Variants in SKIC3 observed in about 807,000 individuals in gnomAD.
The protein encoded by SKIC3 is superkiller complex protein 3.
At chr5:95,492,588 G>A in the SKIC3 span, among the ~76,000 whole-genome samples, 1 of 110,812 alleles carries the variant, frequency 9.0e-6, no homozygotes, top group South Asian at 3.6e-4. Context: ...AGTGAGCCGA[G>A]ATCCCGCCAC....
At chr5:95,499,123 CTT>C in the SKIC3 span, among the ~76,000 whole-genome samples, 4 of 152,140 alleles carry the variant, frequency 2.6e-5, no homozygotes, top group Non-Finnish European at 1.5e-5. Flanking sequence ...AAAAGCCAAA[CTT>C]ATTTTCTGGT....
chr5:95,537,629 C>A, the SKIC3 span, among the ~76,000 whole-genome samples: 7 of 152,156 alleles, frequency 4.6e-5, no homozygotes, highest in African/African-American at 1.7e-4. Context: ...GAAATCACTT[C>A]TCTTATGCAG....
chr5:95,478,233 G>A, the SKIC3 span: 165 of 1,595,346 alleles, frequency 1.0e-4, no homozygotes, highest in African/African-American at 1.7e-4. Flanking sequence ...AAGCCTTCAC[G>A]TCAAAGAAAG....
chr5:95,521,976 C>A, the SKIC3 span: 8 of 1,585,280 alleles, frequency 5.0e-6, no homozygotes, highest in Admixed American at 1.7e-5. Context: ...TTATTCAATA[C>A]ATTTAGGCAG....
chr5:95,494,918 A>C, the SKIC3 span: 1 of 1,600,860 alleles, frequency 6.2e-7, no homozygotes, highest in Non-Finnish European at 8.6e-7. Flanking sequence ...CTTCATCAAT[A>C]TTATTTAATA....
the SKIC3 span, among the ~76,000 whole-genome samples, chr5:95,475,367 T>C: frequency 1.3e-5 from 2 of 152,146 alleles, no homozygotes; most frequent in African/African-American, 4.8e-5. Flanking sequence ...CCATTCCCCC[T>C]TGGTACTATA....
the SKIC3 span, among the ~76,000 whole-genome samples, chr5:95,466,237 G>A: frequency 6.6e-6 from 1 of 152,154 alleles, no homozygotes; most frequent in African/African-American, 2.4e-5. Flanking sequence ...AGATGCCAGA[G>A]CCATAGCATG....
At chr5:95,502,475 T>C in the SKIC3 span, among the ~76,000 whole-genome samples, 1 of 152,190 alleles carries the variant, frequency 6.6e-6, no homozygotes, top group South Asian at 2.1e-4. Flanking sequence ...TTACACATTT[T>C]TAAAAAGATT....
chr5:95,543,045 G>GA, the SKIC3 span: 8 of 1,090,420 alleles, frequency 7.3e-6, no homozygotes, highest in East Asian at 7.8e-5. Context: ...TTTAGGTTTA[G>GA]AAAACCAATA....
the SKIC3 span, among the ~76,000 whole-genome samples, chr5:95,483,844 C>T: frequency 3.3e-5 from 5 of 152,152 alleles, no homozygotes; most frequent in Non-Finnish European, 5.9e-5. Context: ...TAGAGCCCTC[C>T]AATCCTGGCA....
the SKIC3 span, among the ~76,000 whole-genome samples, chr5:95,503,367 A>C: frequency 6.6e-6 from 1 of 152,218 alleles, no homozygotes; most frequent in Non-Finnish European, 1.5e-5. Context: ...CAAGCAGTAG[A>C]TATTTCAATG....
At chr5:95,496,739 G>A in the SKIC3 span, among the ~76,000 whole-genome samples, 1 of 151,852 alleles carries the variant, frequency 6.6e-6, no homozygotes, top group Non-Finnish European at 1.5e-5. Context: ...TAGGAATAAC[G>A]AACAAGACTC....
the SKIC3 span, among the ~76,000 whole-genome samples, chr5:95,481,117 TATA>T: frequency 1.3e-5 from 2 of 152,052 alleles, no homozygotes; most frequent in Non-Finnish European, 2.9e-5. Context: ...TATATCATAA[TATA>T]AAAGAAAACA....
the SKIC3 span, among the ~76,000 whole-genome samples, chr5:95,519,302 C>A: frequency 1.3e-5 from 2 of 151,894 alleles, no homozygotes; most frequent in Non-Finnish European, 2.9e-5. Flanking sequence ...TTCATTTAAG[C>A]CAAGTCTCAA....
At chr5:95,521,619 T>C in the SKIC3 span, 4 of 158,524 alleles carry the variant, frequency 2.5e-5, no homozygotes, top group African/African-American at 9.6e-5. Flanking sequence ...TTTTATTTTA[T>C]ATTACCAAAA....
chr5:95,484,342 T>C, the SKIC3 span, among the ~76,000 whole-genome samples: 7 of 114,696 alleles, frequency 6.1e-5, no homozygotes, highest in African/African-American at 2.9e-4. Flanking sequence ...GCATTCCTCT[T>C]TTTTTTTTTT....
chr5:95,495,372 T>C, the SKIC3 span: 45 of 215,760 alleles, frequency 2.1e-4, no homozygotes, highest in African/African-American at 1.0e-3. Context: ...TGAAAATACA[T>C]AGTATTTTTA....
chr5:95,504,001 T>C, the SKIC3 span: 8 of 1,556,610 alleles, frequency 5.1e-6, no homozygotes, highest in South Asian at 3.3e-5. Context: ...ATCATCAAAA[T>C]ACTGAGATAT....
chr5:95,483,965 T>C, the SKIC3 span, among the ~76,000 whole-genome samples: 3 of 152,122 alleles, frequency 2.0e-5, no homozygotes, highest in African/African-American at 7.2e-5. Flanking sequence ...AAATATAGCA[T>C]TAAGAAGGAA....
Sources: allele counts gnomAD v4.1 joint callset (sites outside exome capture counted in the v4.1 genomes callset), GRCh38; gene constraint gnomAD v4.1.1; transcripts MANE v1.5; gene names NCBI Gene and HGNC (gene_info 2026-07-23, HGNC 2026-07-21).